Variants in RNLS observed in about 807,000 individuals in gnomAD.
The protein encoded by RNLS is renalase, FAD dependent amine oxidase.
A neutral mutation model predicts 39.8 loss-of-function variants in RNLS; 39 were observed. The observed-to-expected ratio is 0.98, with a 90% confidence interval of 0.76 to 1.28. The LOEUF (loss-of-function observed/expected upper bound fraction) is 1.28, where lower values mean the gene tolerates loss of function less well. RNLS is among the 50% of genes most tolerant of loss of function. The probability of loss-of-function intolerance (pLI) is 0.00; values close to 1 mark genes in which losing one functional copy is unlikely to be tolerated. For synonymous variants in RNLS, 147 were observed against 150.7 expected, an observed-to-expected ratio of 0.98 and a Z score of 0.18; for missense variants, 410 against 413.3, an observed-to-expected ratio of 0.99 and a Z score of 0.07.
At chr10:88,564,346 CAT>C (rs1283939107) in intron 4 of RNLS, among the ~76,000 whole-genome samples, 4 of 149,786 alleles carry the variant, frequency 2.7e-5, no homozygotes, top group Non-Finnish European at 5.9e-5. Context: ...CACACACACA[CAT>C]GCACACACAC....
chr10:88,210,543 G>C, the RNLS span, among the ~76,000 whole-genome samples: 1 of 152,158 alleles, frequency 6.6e-6, no homozygotes, highest in Admixed American at 6.6e-5. Context: ...TTGCAAACTG[G>C]CTGGGCATTT....
rs1269068751 is a variant in RNLS at position 88,284,823 on chromosome 10, C to T, written c.*531G>A. 1 of 985,096 alleles carries T rather than the reference C, an allele frequency of 1.0e-6. No homozygotes were observed. The highest frequency in any genetic ancestry group is 1.2e-6 in the Non-Finnish European group (1 of 829,866). 61.0% of individuals were successfully genotyped at this position (985,096 alleles called of 1,614,324 possible). On this transcript the variant is annotated 3_prime_UTR_variant, in exon 7 of 7. Transcript: ENST00000331772. ...ACACTAAGATGATGACATATATGAC[C>T]TACAATTCAGGATCACTTAATAACT...
At chr10:88,498,224 T>C (rs1237154878) in intron 4 of RNLS, among the ~76,000 whole-genome samples, 4 of 151,986 alleles carry the variant, frequency 2.6e-5, no homozygotes, top group Non-Finnish European at 5.9e-5. Context: ...ATCAATATTA[T>C]GTGTCTCCTT....
chr10:88,291,451 T>C (rs1843668083), intron 6 of RNLS, among the ~76,000 whole-genome samples: 1 of 152,160 alleles, frequency 6.6e-6, no homozygotes, highest in Non-Finnish European at 1.5e-5. Flanking sequence ...CTGGGCAAAT[T>C]TCCCCAACTG....
chr10:88,460,006 C>T (rs1842857294), intron 4 of RNLS, among the ~76,000 whole-genome samples: 1 of 152,148 alleles, frequency 6.6e-6, no homozygotes, highest in Non-Finnish European at 1.5e-5. Flanking sequence ...AAAGCTAATA[C>T]TGATGAAGCA....
At chr10:88,215,691 A>ATTTTTTTTTTTTTTTTTTTTTTTTTTTT in the RNLS span, among the ~76,000 whole-genome samples, 1 of 95,432 alleles carries the variant, frequency 1.0e-5, no homozygotes, top group Non-Finnish European at 2.0e-5. Context: ...ACCATCTGTA[A>ATTTTTTTTTTTTTTTTTTTTTTTTTTTT]TTTTTTTTTT....
chr10:88,462,984 A>G (rs1482068568), intron 4 of RNLS, among the ~76,000 whole-genome samples: 1 of 152,066 alleles, frequency 6.6e-6, no homozygotes, highest in African/African-American at 2.4e-5. Context: ...GTAAATGATT[A>G]AAGTAAATAC....
chr10:88,396,844 C>T (rs969810102), intron 4 of RNLS, among the ~76,000 whole-genome samples: 2 of 151,242 alleles, frequency 1.3e-5, no homozygotes, highest in African/African-American at 2.4e-5. Flanking sequence ...ACACTAATAC[C>T]AGAAAAAATA....
At chr10:88,260,249 C>G in the RNLS span, among the ~76,000 whole-genome samples, 1 of 152,308 alleles carries the variant, frequency 6.6e-6, no homozygotes, top group African/African-American at 2.4e-5. Context: ...AGTCCTGCAG[C>G]CACTTCCCTG....
the RNLS span, among the ~76,000 whole-genome samples, chr10:88,251,334 C>T: frequency 1.3e-5 from 2 of 152,338 alleles, no homozygotes; most frequent in South Asian, 4.1e-4. Context: ...TGAATGTGTA[C>T]ATAAAATTTA....
At chr10:88,421,695 G>C in intron 4 of RNLS, among the ~76,000 whole-genome samples, 1 of 151,986 alleles carries the variant, frequency 6.6e-6, no homozygotes, top group East Asian at 1.9e-4. Context: ...ACCTCCGATG[G>C]CTGTCTTATT....
intron 4 of RNLS, among the ~76,000 whole-genome samples, chr10:88,436,755 T>C (rs933343997): frequency 1.3e-5 from 2 of 152,080 alleles, no homozygotes; most frequent in African/African-American, 4.8e-5. Flanking sequence ...TAAAAGTCTT[T>C]TTTTTTTTAA....
At chr10:88,305,078 A>G (rs1844821865) in intron 6 of RNLS, among the ~76,000 whole-genome samples, 1 of 152,220 alleles carries the variant, frequency 6.6e-6, no homozygotes, top group South Asian at 2.1e-4. Context: ...CCAGAATTTC[A>G]TATCTGGCAA....
At chr10:88,417,479 A>G (rs571906198) in intron 4 of RNLS, among the ~76,000 whole-genome samples, 1 of 152,322 alleles carries the variant, frequency 6.6e-6, no homozygotes, top group South Asian at 2.1e-4. Context: ...ACTTTACATA[A>G]AACAGCTGTA....
chr10:88,535,874 A>G (rs1050279069), intron 4 of RNLS, among the ~76,000 whole-genome samples: 4 of 152,334 alleles, frequency 2.6e-5, no homozygotes, highest in African/African-American at 9.6e-5. Flanking sequence ...GAAATCTGCA[A>G]AGAAATAAGA....
downstream of RNLS, among the ~76,000 whole-genome samples, chr10:88,272,209 T>C (rs1364544970): frequency 6.6e-6 from 1 of 152,092 alleles, no homozygotes; most frequent in African/African-American, 2.4e-5. Flanking sequence ...CTAGCAATGG[T>C]TTTCCATCTG....
intron 6 of RNLS, among the ~76,000 whole-genome samples, chr10:88,306,329 T>G (rs1433546377): frequency 6.6e-6 from 1 of 151,852 alleles, no homozygotes; most frequent in Non-Finnish European, 1.5e-5. Flanking sequence ...CCAAAATCAG[T>G]GCTGAACTGA....
At chr10:88,548,349 T>C (rs1300054012) in intron 4 of RNLS, among the ~76,000 whole-genome samples, 2 of 116,972 alleles carry the variant, frequency 1.7e-5, no homozygotes, top group African/African-American at 6.5e-5. Context: ...AACTGTCAAA[T>C]AATAGAATCA....
At chr10:88,483,374 G>A (rs527619588) in intron 4 of RNLS, among the ~76,000 whole-genome samples, 136 of 152,136 alleles carry the variant, frequency 8.9e-4, no homozygotes, top group East Asian at 7.7e-4. Flanking sequence ...TTATATTCCA[G>A]GCCTTAGCAC....
Sources: gnomAD v4.1 joint callset for allele counts (sites outside exome capture counted in the v4.1 genomes callset) on GRCh38, gnomAD v4.1.1 for gene constraint, MANE v1.5 for transcripts, NCBI Gene and HGNC (gene_info 2026-07-23, HGNC 2026-07-21) for gene names.